WDR72: variants seen among roughly 807,000 people sequenced by gnomAD.
WDR72 encodes WD repeat domain 72, also known as WD repeat-containing protein 72.
A neutral mutation model predicts 124.2 loss-of-function variants in WDR72; 120 were observed. That is an observed-to-expected ratio of 0.97 (90% confidence interval 0.83 to 1.12). The LOEUF (loss-of-function observed/expected upper bound fraction) is 1.12, where lower values mean the gene tolerates loss of function less well. Ranked by LOEUF, WDR72 falls within the 50% of genes most tolerant of loss-of-function variation. The pLI is 0.00. For missense variants in WDR72, 1,387 were observed against 1,278.8 expected (o/e 1.08, Z -1.29); for synonymous variants, 452 against 441.7 (o/e 1.02, Z -0.29).
At chr15:53,701,836 A>G (rs2140523473) in intron 12 of WDR72, among the ~76,000 whole-genome samples, 1 of 152,246 alleles carries the variant, frequency 6.6e-6, no homozygotes, top group African/African-American at 2.4e-5. Flanking sequence ...ATAGAATGAG[A>G]GGAAAAAAAT....
At chr15:53,707,006 G>A (rs539270776) in intron 9 of WDR72, among the ~76,000 whole-genome samples, 17 of 152,056 alleles carry the variant, frequency 1.1e-4, no homozygotes, top group Non-Finnish European at 1.6e-4. Context: ...GCTGTTCTTC[G>A]GGCAGGTTTG....
intron 14 of WDR72, among the ~76,000 whole-genome samples, chr15:53,629,844 A>G (rs1325509698): frequency 6.6e-6 from 1 of 152,158 alleles, no homozygotes; most frequent in Non-Finnish European, 1.5e-5. Context: ...GATCAGGCAT[A>G]TATGTTTGGA....
chr15:53,520,357 A>G (rs1037224602), intron 19 of WDR72, among the ~76,000 whole-genome samples: 11 of 152,104 alleles, frequency 7.2e-5, no homozygotes, highest in Non-Finnish European at 1.5e-4. Context: ...AATATCCATT[A>G]AAGTTAGAAG....
At chr15:53,665,541 C>T in intron 14 of WDR72, 31 bp downstream of exon 14, 3 of 1,612,764 alleles carry the variant, frequency 1.9e-6, no homozygotes, top group Admixed American at 1.7e-5. Flanking sequence ...TGATAATGTT[C>T]TTTGTGAACA....
intron 17 of WDR72, among the ~76,000 whole-genome samples, chr15:53,598,016 T>C (rs1012048930): frequency 9.2e-5 from 14 of 152,166 alleles, no homozygotes; most frequent in Admixed American, 8.5e-4. Flanking sequence ...CTCAAGATTC[T>C]ATATCCTCTG....
intron 17 of WDR72, among the ~76,000 whole-genome samples, chr15:53,603,977 C>G (rs912527044): frequency 6.6e-6 from 1 of 152,096 alleles, no homozygotes; most frequent in Non-Finnish European, 1.5e-5. Context: ...CTAGAAAAAA[C>G]TATCTTAAAA....
intron 1 of WDR72, among the ~76,000 whole-genome samples, chr15:53,742,859 G>T (rs922985191): frequency 5.3e-5 from 8 of 152,010 alleles, no homozygotes; most frequent in African/African-American, 1.9e-4. Context: ...TTTTGATATT[G>T]CATTTTGTAA....
rs1176081426 is a variant in WDR72, at chr15:53,578,661, C to T, written c.3148+18418G>A. ...ATCCAAAGCTCAGTTGTAAATGAGC[C>T]TTATGAATCATCTAAATAATCTGCA... On this transcript the variant is annotated intron_variant, in intron 18 of 19. Coordinates refer to ENST00000360509, the MANE Select transcript of WDR72 (RefSeq NM_182758.4). 2.0e-5 allele frequency among the ~76,000 whole-genome samples: 3 copies of T among 151,846 alleles called. No homozygotes were observed. The South Asian group carries it at 6.2e-4, about 32-fold the overall frequency.
At chr15:53,672,007 G>A (rs906523226) in intron 13 of WDR72, among the ~76,000 whole-genome samples, 1 of 152,028 alleles carries the variant, frequency 6.6e-6, no homozygotes, top group Admixed American at 6.5e-5. Flanking sequence ...GAGAGAGAGA[G>A]AGAGCACTTA....
intron 18 of WDR72, among the ~76,000 whole-genome samples, chr15:53,552,514 A>T (rs17549027): frequency 0.16 from 24,181 of 152,158 alleles, 2,228 homozygotes; most frequent in South Asian, 0.26. Context: ...ATCTTCTTCA[A>T]TATTGCTTGT....
chr15:53,715,647 G>A (rs534773792), intron 4 of WDR72, among the ~76,000 whole-genome samples: 1 of 138,758 alleles, frequency 7.2e-6, no homozygotes, highest in African/African-American at 2.5e-5. Context: ...TTTCTGGAGT[G>A]CAACTTGGAA....
chr15:53,528,308 G>A (rs1892238750), intron 18 of WDR72, among the ~76,000 whole-genome samples: 1 of 152,072 alleles, frequency 6.6e-6, no homozygotes, highest in Non-Finnish European at 1.5e-5. Context: ...AATAGCAATA[G>A]TTACATATTG....
intron 18 of WDR72, among the ~76,000 whole-genome samples, chr15:53,591,684 CA>C (rs1359577047): frequency 2.0e-5 from 2 of 101,850 alleles, no homozygotes; most frequent in East Asian, 2.6e-4. Context: ...ACAACACACA[CA>C]ACACACACAC....
At chr15:53,608,766 A>G (rs62005935) in intron 17 of WDR72, among the ~76,000 whole-genome samples, 34,140 of 150,222 alleles carry the variant, frequency 0.23, 4,090 homozygotes, top group East Asian at 0.46. Flanking sequence ...AAAAATAAAT[A>G]AATAAATAAA....
At chr15:53,519,187 C>T (rs1046970925) in intron 19 of WDR72, among the ~76,000 whole-genome samples, 1 of 151,930 alleles carries the variant, frequency 6.6e-6, no homozygotes, top group Admixed American at 6.6e-5. Flanking sequence ...TTTCTATCAT[C>T]GAATGAGTTT....
At chr15:53,558,340 C>T (rs1894003711) in intron 18 of WDR72, among the ~76,000 whole-genome samples, 1 of 152,022 alleles carries the variant, frequency 6.6e-6, no homozygotes, top group Non-Finnish European at 1.5e-5. Flanking sequence ...CAGAAGACTC[C>T]AACCATTCAA....
intron 18 of WDR72, among the ~76,000 whole-genome samples, chr15:53,548,933 G>C (rs1893609059): frequency 6.6e-6 from 1 of 152,090 alleles, no homozygotes; most frequent in African/African-American, 2.4e-5. Flanking sequence ...GACTGGGAAT[G>C]AAAGGCAAGA....
intron 14 of WDR72, among the ~76,000 whole-genome samples, chr15:53,621,472 T>G (rs1007305233): frequency 7.0e-6 from 1 of 143,558 alleles, no homozygotes; most frequent in Non-Finnish European, 1.5e-5. Flanking sequence ...AGAGTACTAC[T>G]CAGCTGTAAA....
rs572632729 is a variant in WDR72 at position 53,758,440 on chromosome 15, C to T, written c.-13+1193G>A. On this transcript the variant is annotated intron_variant, in intron 1 of 19. Transcript: ENST00000360509. ...ACTAGACACCTTCAAGGGCAGTTTC[C>T]CTTTCTCCTACAGCCTTTTACATTC... Among the ~76,000 whole-genome samples the T allele has an allele frequency of 4.6e-4, 70 of 151,990 alleles. No individual in the cohort carries two copies. The South Asian group carries it at 0.015, about 32-fold the overall frequency.
Sources: gnomAD v4.1 joint callset for allele counts (sites outside exome capture counted in the v4.1 genomes callset) on GRCh38, gnomAD v4.1.1 for gene constraint, MANE v1.5 for transcripts, NCBI Gene and HGNC (gene_info 2026-07-23, HGNC 2026-07-21) for gene names.